XIRP2: variants seen among roughly 807,000 people sequenced by gnomAD.
XIRP2 encodes xin actin binding repeat containing 2.
In XIRP2, 236 loss-of-function variants were observed where a neutral mutation model predicts 277.0. The observed-to-expected ratio is 0.85, with a 90% CI of 0.77 to 0.95. The LOEUF (loss-of-function observed/expected upper bound fraction) is 0.95, where lower values mean the gene tolerates loss of function less well. Among genes scored for constraint, XIRP2 ranks in the 40% least tolerant of loss-of-function variants. The pLI is 0.00. For missense variants in XIRP2, 4,640 were observed against 4,157.5 expected, an observed-to-expected ratio of 1.12 and a Z score of -3.19; for synonymous variants, 1,490 against 1,416.5, an observed-to-expected ratio of 1.05 and a Z score of -1.17.
At chr2:166,935,330 G>A (rs1009014286) in intron 2 of XIRP2, among the ~76,000 whole-genome samples, 1 of 152,094 alleles carries the variant, frequency 6.6e-6, no homozygotes, top group African/African-American at 2.4e-5. Context: ...GAGACTAATA[G>A]GCCAGTAGAT....
At chr2:167,004,190 A>G (rs1687445488) in intron 2 of XIRP2, among the ~76,000 whole-genome samples, 1 of 151,854 alleles carries the variant, frequency 6.6e-6, no homozygotes, top group Non-Finnish European at 1.5e-5. Flanking sequence ...AACAGCCATG[A>G]TTATTTATTA....
At chr2:167,018,972 G>A (rs574473021) in intron 2 of XIRP2, among the ~76,000 whole-genome samples, 1 of 151,924 alleles carries the variant, frequency 6.6e-6, no homozygotes, top group South Asian at 2.1e-4. Context: ...TAATCTTTGA[G>A]TTATTTCTGC....
intron 2 of XIRP2, among the ~76,000 whole-genome samples, chr2:167,094,328 C>A (rs1164655993): frequency 6.6e-6 from 1 of 152,070 alleles, no homozygotes; most frequent in Non-Finnish European, 1.5e-5. Context: ...AATTAGATCC[C>A]GTTTGTCAAT....
chr2:167,015,454 C>CTATG (rs1687796799), intron 2 of XIRP2, among the ~76,000 whole-genome samples: 1 of 151,246 alleles, frequency 6.6e-6, no homozygotes, highest in East Asian at 2.0e-4. Flanking sequence ...ATCTATCTAT[C>CTATG]TATCTATCAT....
chr2:166,913,319 C>CCA (rs1553469503), intron 2 of XIRP2, among the ~76,000 whole-genome samples: 1 of 75,244 alleles, frequency 1.3e-5, no homozygotes, highest in East Asian at 9.7e-4. Flanking sequence ...CACCCCCCCC[C>CCA]CCCAGCCTCG....
chr2:167,083,585 G>T (rs1051778996), intron 2 of XIRP2, among the ~76,000 whole-genome samples: 2 of 152,168 alleles, frequency 1.3e-5, no homozygotes, highest in African/African-American at 4.8e-5. Context: ...GCCATGGAAT[G>T]TTCTTCCATT....
At chr2:166,953,471 C>T (rs890289490) in intron 2 of XIRP2, among the ~76,000 whole-genome samples, 6 of 151,966 alleles carry the variant, frequency 3.9e-5, no homozygotes, top group African/African-American at 1.4e-4. Flanking sequence ...CCATGAGTGT[C>T]TGGTATGTCT....
chr2:166,937,206 G>A (rs547865280), intron 2 of XIRP2, among the ~76,000 whole-genome samples: 14 of 152,212 alleles, frequency 9.2e-5, no homozygotes, highest in African/African-American at 2.2e-4. Flanking sequence ...TTCCCATTCC[G>A]TATGATATTG....
chr2:167,010,746 T>C (rs545423196), intron 2 of XIRP2, among the ~76,000 whole-genome samples: 77 of 152,284 alleles, frequency 5.1e-4, no homozygotes, highest in Non-Finnish European at 9.0e-4. Flanking sequence ...TTTATTTCAT[T>C]GAGCAGTGGT....
intron 2 of XIRP2, among the ~76,000 whole-genome samples, chr2:167,003,795 A>G (rs1687431859): frequency 6.6e-6 from 1 of 151,942 alleles, no homozygotes; most frequent in Non-Finnish European, 1.5e-5. Context: ...ACTCCAGCTG[A>G]TGCTGCAAAT....
intron 2 of XIRP2, among the ~76,000 whole-genome samples, chr2:167,007,026 G>C (rs935528874): frequency 4.0e-5 from 6 of 151,582 alleles, no homozygotes; most frequent in Admixed American, 6.6e-5. Flanking sequence ...AAAGCACCTG[G>C]TACAGTGTTA....
chr2:167,090,403 A>G (rs534119373), intron 2 of XIRP2, among the ~76,000 whole-genome samples: 34 of 152,212 alleles, frequency 2.2e-4, no homozygotes, highest in Non-Finnish European at 4.0e-4. Flanking sequence ...AACTTCTGTC[A>G]GGGATCATTT....
At chr2:166,911,346 T>G (rs1231175544) in intron 2 of XIRP2, among the ~76,000 whole-genome samples, 3 of 152,224 alleles carry the variant, frequency 2.0e-5, no homozygotes, top group Admixed American at 6.5e-5. Context: ...CTCGTTGAAT[T>G]GATCCCTTTA....
intron 2 of XIRP2, among the ~76,000 whole-genome samples, chr2:166,963,899 A>C (rs2105410894): frequency 6.6e-6 from 1 of 151,950 alleles, no homozygotes; most frequent in African/African-American, 2.4e-5. Context: ...GGGAAAATAG[A>C]AGCATCAGAC....
chr2:167,007,128 T>A (rs985696652), intron 2 of XIRP2, among the ~76,000 whole-genome samples: 1 of 151,642 alleles, frequency 6.6e-6, no homozygotes, highest in Non-Finnish European at 1.5e-5. Context: ...ATAATTTCTA[T>A]GTCTCTAAAA....
At chr2:166,911,625 G>A (rs979530307) in intron 2 of XIRP2, among the ~76,000 whole-genome samples, 2 of 152,066 alleles carry the variant, frequency 1.3e-5, no homozygotes, top group Non-Finnish European at 2.9e-5. Flanking sequence ...GGTTAATATT[G>A]TTATGTGTGA....
chr2:167,244,488 C>A lies in XIRP2; in HGVS notation c.3096C>A (p.Ser1032Arg), dbSNP rs749626378. ...ETRPIDQFDE[S>R]IHKFQIIRGI... ...GGCCCATTGACCAGTTTGATGAAAG[C>A]ATTCATAAATTTCAAATAATTAGAG... The change falls in exon 9 of 11, where the codon AGC (serine) becomes AGA (arginine). Residue 1032 changes from serine (S) to arginine (R), a missense_variant. Ser to Arg is a moderately radical substitution (Grantham distance 110, BLOSUM62 -1). Transcript: ENST00000409195. The A allele has an allele frequency of 1.2e-6, 2 of 1,613,700 alleles. No homozygotes were observed. The highest frequency in any genetic ancestry group is 2.7e-5 in the African/African-American group (2 of 74,984).
chr2:167,076,557 A>T (rs1043486990), intron 2 of XIRP2, among the ~76,000 whole-genome samples: 1 of 152,234 alleles, frequency 6.6e-6, no homozygotes, highest in African/African-American at 2.4e-5. Flanking sequence ...TTTATTAAAG[A>T]TGAAGGAGGT....
At chr2:167,032,999 G>C (rs1002264319) in intron 2 of XIRP2, among the ~76,000 whole-genome samples, 2 of 152,080 alleles carry the variant, frequency 1.3e-5, no homozygotes, top group East Asian at 3.9e-4. Context: ...GCACACATGT[G>C]TTTACTGCAG....
Sources: allele counts gnomAD v4.1 joint callset (sites outside exome capture counted in the v4.1 genomes callset), GRCh38; gene constraint gnomAD v4.1.1; transcripts MANE v1.5; gene names NCBI Gene and HGNC (gene_info 2026-07-23, HGNC 2026-07-21).